Variants in CDKL5 observed in about 807,000 individuals in gnomAD.
CDKL5 encodes the protein cyclin-dependent kinase-like 5.
In CDKL5, 8 loss-of-function variants were observed where a neutral mutation model predicts 61.7. The ratio of observed to expected loss-of-function variants is 0.13; its 90% CI spans 0.08 to 0.23. CDKL5 has a LOEUF of 0.23. CDKL5 is among the 10% of genes least tolerant of loss of function. The pLI, the probability that CDKL5 is intolerant of heterozygous loss-of-function variation, is 1.00. For missense variants in CDKL5, 440 were observed against 734.5 expected, an observed-to-expected ratio of 0.60 and a Z score of 4.63; for synonymous variants, 275 against 272.3, an observed-to-expected ratio of 1.01 and a Z score of -0.10.
In CDKL5 at chrX:18,496,459, G is replaced by T. The variant is rs143465877; in HGVS notation, c.-162-10476G>T. On this transcript the variant is annotated intron_variant, in intron 1 of 17. Coordinates refer to ENST00000623535, the MANE Select transcript of CDKL5 (RefSeq NM_001323289.2). ...ATGTAGTAAAGCCTCATAGGTAGCA[G>T]CTTTCAGGGAGAATAGATGGTAAAT... Among the ~76,000 whole-genome samples, 452 of 111,597 alleles carry T rather than the reference G, an allele frequency of 4.1e-3. 2 individuals carry two copies. The highest frequency in any genetic ancestry group is 0.014 in the African/African-American group (439 of 30,717).
At chrX:18,626,511 A>G (rs1325731615) in intron 17 of CDKL5, among the ~76,000 whole-genome samples, 1 of 111,014 alleles carries the variant, frequency 9.0e-6, no homozygotes, top group Non-Finnish European at 1.9e-5. Flanking sequence ...ATAGAGAACC[A>G]GATATCCAAG....
At chrX:18,585,027 G>A (rs1163364285) in intron 8 of CDKL5, among the ~76,000 whole-genome samples, 2 of 112,031 alleles carry the variant, frequency 1.8e-5, no homozygotes, top group Non-Finnish European at 3.8e-5. Flanking sequence ...TTATCTATTT[G>A]TTCATTTATT....
intron 20 of CDKL5, chrX:18,647,408 C>G: frequency 9.2e-7 from 1 of 1,091,460 alleles, no homozygotes; most frequent in Non-Finnish European, 1.3e-6. Context: ...AATAACAAAA[C>G]AAACCCATCT....
At chrX:18,599,280 A>G (rs1182591098) in intron 11 of CDKL5, among the ~76,000 whole-genome samples, 1 of 111,620 alleles carries the variant, frequency 9.0e-6, no homozygotes, top group Non-Finnish European at 1.9e-5. Context: ...ACATTCCTCA[A>G]TTCTGTTGGT....
intron 1 of CDKL5, among the ~76,000 whole-genome samples, chrX:18,499,099 G>A (rs1331308331): frequency 8.9e-6 from 1 of 111,742 alleles, no homozygotes; most frequent in Non-Finnish European, 1.9e-5. Context: ...TTGCTTTATG[G>A]CCTAGCATAT....
intron 3 of CDKL5, among the ~76,000 whole-genome samples, chrX:18,541,564 T>C (rs1386920931): frequency 8.9e-6 from 1 of 111,884 alleles, no homozygotes; most frequent in Non-Finnish European, 1.9e-5. Context: ...AGGGTGTCAC[T>C]CTATCACCCA....
chrX:18,641,720 G>C, downstream of CDKL5: 1 of 351,569 alleles, frequency 2.8e-6, no homozygotes, highest in South Asian at 4.1e-5. Context: ...GACAAAAAAT[G>C]AGCAGAAAAT....
At chrX:18,509,197 GCACACACA>G (rs60516677) in intron 2 of CDKL5, among the ~76,000 whole-genome samples, 1,027 of 64,276 alleles carry the variant, frequency 0.016, 18 homozygotes, top group African/African-American at 0.024. Context: ...CTCAAAACAC[GCACACACA>G]CACACACACA....
At chrX:18,427,203 C>T (rs1447048345) in intron 1 of CDKL5, among the ~76,000 whole-genome samples, 1 of 109,991 alleles carries the variant, frequency 9.1e-6, no homozygotes, top group Non-Finnish European at 1.9e-5. Context: ...GGCGTTGACA[C>T]TGAAACCAGG....
chrX:18,519,107 A>C (rs1328415100), intron 3 of CDKL5, among the ~76,000 whole-genome samples: 1 of 111,491 alleles, frequency 9.0e-6, no homozygotes, highest in Non-Finnish European at 1.9e-5. Flanking sequence ...CATTGCCGTT[A>C]AGACTCTACC....
At chrX:18,570,538 C>T (rs1035293133) in intron 4 of CDKL5, among the ~76,000 whole-genome samples, 6 of 111,122 alleles carry the variant, frequency 5.4e-5, no homozygotes, top group African/African-American at 2.0e-4. Context: ...ATGGTACCCC[C>T]GTGGTTTTGA....
intron 4 of CDKL5, among the ~76,000 whole-genome samples, chrX:18,573,492 AC>A (rs1479419270): frequency 1.8e-5 from 2 of 112,031 alleles, no homozygotes; most frequent in African/African-American, 6.5e-5. Context: ...CTTGCAGAAC[AC>A]CTGGACCTTT....
At chrX:18,454,529 C>T (rs1390263336) in intron 1 of CDKL5, among the ~76,000 whole-genome samples, 1 of 107,421 alleles carries the variant, frequency 9.3e-6, no homozygotes, top group East Asian at 3.0e-4. Flanking sequence ...GCCACCGTGC[C>T]CAGCCTAAAG....
At chrX:18,439,837 C>CAAAA (rs199796155) in intron 1 of CDKL5, among the ~76,000 whole-genome samples, 1 of 38,020 alleles carries the variant, frequency 2.6e-5, no homozygotes. Context: ...ATTTGGTCTC[C>CAAAA]AAAAAAAAAA....
chrX:18,566,345 G>A (rs950481018), intron 4 of CDKL5, among the ~76,000 whole-genome samples: 2 of 112,141 alleles, frequency 1.8e-5, no homozygotes, highest in Non-Finnish European at 3.8e-5. Context: ...TGTAGAGACA[G>A]GGTTTCGCCA....
intron 3 of CDKL5, among the ~76,000 whole-genome samples, chrX:18,553,465 C>CGTGTGTGT (rs201802099): frequency 7.3e-4 from 66 of 90,836 alleles, no homozygotes; most frequent in African/African-American, 2.1e-3. Flanking sequence ...TGTGTGTGTG[C>CGTGTGTGT]GTGTGTGTGT....
At chrX:18,440,583 C>T (rs1035793625) in intron 1 of CDKL5, among the ~76,000 whole-genome samples, 5 of 111,976 alleles carry the variant, frequency 4.5e-5, no homozygotes, top group African/African-American at 1.6e-4. Context: ...AAGCAATTCT[C>T]CTGCCTCAGC....
chrX:18,607,068 C>T (rs1324886713), intron 12 of CDKL5, among the ~76,000 whole-genome samples: 1 of 111,651 alleles, frequency 9.0e-6, no homozygotes, highest in Non-Finnish European at 1.9e-5. Context: ...GTGAGTTGCT[C>T]CAAGTTTACC....
At chrX:18,464,041 T>A (rs762046414) in intron 1 of CDKL5, among the ~76,000 whole-genome samples, 1,146 of 110,038 alleles carry the variant, frequency 0.01, 19 homozygotes, top group African/African-American at 0.036. Flanking sequence ...GTTTTTTTTT[T>A]AAAGAAATTA....
Sources: allele counts gnomAD v4.1 joint callset (sites outside exome capture counted in the v4.1 genomes callset), GRCh38; gene constraint gnomAD v4.1.1; transcripts MANE v1.5; gene names NCBI Gene and HGNC (gene_info 2026-07-23, HGNC 2026-07-21).